Variants in YAF2 observed in about 807,000 individuals in gnomAD.
YAF2 encodes the protein YY1 associated factor 2.
In YAF2, 7 loss-of-function variants were observed where a neutral mutation model predicts 20.1. The observed-to-expected ratio is 0.35, with a 90% CI of 0.20 to 0.65. The LOEUF is 0.65. Among genes scored for constraint, YAF2 ranks in the 30% least tolerant of loss-of-function variants. The probability of loss-of-function intolerance (pLI) is 0.69; values close to 1 mark genes in which losing one functional copy is unlikely to be tolerated. For missense variants in YAF2, 151 were observed against 219.2 expected, an observed-to-expected ratio of 0.69 and a Z score of 1.96; for synonymous variants, 74 against 76.0, an observed-to-expected ratio of 0.97 and a Z score of 0.14.
chr12:42,160,024 C>T lies in YAF2; in HGVS notation c.*565G>A, dbSNP rs2065767982. 6.6e-6 allele frequency: 1 copy of T among 152,416 alleles called. No homozygotes were observed. Among genetic ancestry groups the T allele is most frequent in the African/African-American group, 2.4e-5 (1 of 41,400 alleles). 9.4% of individuals were successfully genotyped at this position (152,416 alleles called of 1,614,324 possible). A position where few individuals can be genotyped will look rare whatever the true frequency, so the allele number is the denominator to read the frequency against. ...AATTCAGGAACAATAATTAGTAAAA[C>T]GTGTCAAAAACATTGGCAAAGGTTC... On this transcript the variant is annotated 3_prime_UTR_variant, in exon 4 of 4. Transcript: ENST00000534854.
At chr12:42,161,475 G>A in intron 3 of YAF2, 138 bp downstream of exon 3, 4 of 972,230 alleles carry the variant, frequency 4.1e-6, no homozygotes, top group Non-Finnish European at 5.6e-6. Context: ...TTCAAACTCA[G>A]TAAAACCTTT....
intron 2 of YAF2, among the ~76,000 whole-genome samples, chr12:42,186,437 G>A (rs897148961): frequency 1.3e-5 from 2 of 151,874 alleles, no homozygotes; most frequent in Non-Finnish European, 2.9e-5. Context: ...CTTTCCTGAG[G>A]GGGGCAGAGG....
Position 42,160,251 on chromosome 12 carries a change from A to G in YAF2, c.*338T>C, listed in dbSNP as rs1408748039. On this transcript the variant is annotated 3_prime_UTR_variant, in exon 4 of 4. Transcript: ENST00000534854. ...CTTGCACTATGTTATAAAAAATTTA[A>G]ATTCGTTACATGCCAATAGTAGAGA... 9.2e-6 allele frequency: 2 copies of G among 216,610 alleles called. No homozygotes were observed. The highest frequency in any genetic ancestry group is 1.9e-5 in the Non-Finnish European group (2 of 108,102). 13.4% of individuals were successfully genotyped at this position (216,610 alleles called of 1,614,324 possible). A position where few individuals can be genotyped will look rare whatever the true frequency, so the allele number is the denominator to read the frequency against.
intron 1 of YAF2, 110 bp from the exon 2 acceptor site, chr12:42,237,834 C>G: frequency 2.1e-6 from 2 of 941,120 alleles, no homozygotes; most frequent in Non-Finnish European, 2.5e-6. Flanking sequence ...ATTCTGCGAC[C>G]CCCGCCCCGC....
In YAF2 at chr12:42,206,952, TACA is replaced by T. The variant is rs550662604; in HGVS notation, c.152+30644_152+30646del. ...ACCCAGATTCAAAATTGTTAACATTTACAACGTTTGCTTTACCTTTTTTCTCTC... is the reference window on the plus strand; with the variant it reads ...ACCCAGATTCAAAATTGTTAACATTTACGTTTGCTTTACCTTTTTTCTCTC... On this transcript the variant is annotated intron_variant, in intron 2 of 3. Coordinates refer to ENST00000534854, the MANE Select transcript of YAF2 (RefSeq NM_005748.6). Among the ~76,000 whole-genome samples the T allele has an allele frequency of 4.1e-3, 620 of 152,300 alleles. 8 individuals are homozygous for T. The highest frequency in any genetic ancestry group is 0.014 in the African/African-American group (583 of 41,572).
chr12:42,211,773 G>C (rs2067218755), intron 2 of YAF2, among the ~76,000 whole-genome samples: 1 of 150,932 alleles, frequency 6.6e-6, no homozygotes, highest in Non-Finnish European at 1.5e-5. Flanking sequence ...AGTCAGCCAG[G>C]CACGGTGGCT....
At chr12:42,237,018 A>C (rs1044236873) in intron 2 of YAF2, among the ~76,000 whole-genome samples, 1 of 152,250 alleles carries the variant, frequency 6.6e-6, no homozygotes, top group African/African-American at 2.4e-5. Context: ...ATATAAAGGT[A>C]CTTTCAGTAA....
At chr12:42,169,027 C>T (rs11181358) in intron 2 of YAF2, among the ~76,000 whole-genome samples, 2,286 of 152,176 alleles carry the variant, frequency 0.015, 54 homozygotes, top group African/African-American at 0.052. Flanking sequence ...TCCCTTAATC[C>T]CTTGTTTACT....
At chr12:42,179,040 G>A (rs774640036) in intron 2 of YAF2, among the ~76,000 whole-genome samples, 141 of 152,238 alleles carry the variant, frequency 9.3e-4, no homozygotes, top group Non-Finnish European at 1.6e-3. Flanking sequence ...GAAACAAAGC[G>A]AGACCCTCTC....
At chr12:42,175,352 A>C (rs1248731602) in intron 2 of YAF2, among the ~76,000 whole-genome samples, 1 of 152,168 alleles carries the variant, frequency 6.6e-6, no homozygotes, top group African/African-American at 2.4e-5. Context: ...CCTAGCAACC[A>C]GAGATGGGAT....
At chr12:42,163,905 C>T (rs933279948) in intron 2 of YAF2, among the ~76,000 whole-genome samples, 5 of 152,034 alleles carry the variant, frequency 3.3e-5, no homozygotes, top group Admixed American at 6.5e-5. Flanking sequence ...GGTTTGTGAT[C>T]CCTTTTCTAT....
Position 42,184,413 on chromosome 12 carries a change from G to A in YAF2, c.153-22648C>T, listed in dbSNP as rs189934621. On this transcript the variant is annotated intron_variant, in intron 2 of 3. Coordinates refer to ENST00000534854, the MANE Select transcript of YAF2 (RefSeq NM_005748.6). ...CAACCTCCATCTCCCAGGTTCAAGCGATTCTCCTGCCTCAGTCTCCTGAGT... is the reference window on the plus strand; with the variant it reads ...CAACCTCCATCTCCCAGGTTCAAGCAATTCTCCTGCCTCAGTCTCCTGAGT... Among the ~76,000 whole-genome samples, 508 of 152,212 alleles carry A rather than the reference G, an allele frequency of 3.3e-3. 4 individuals are homozygous for A. Among genetic ancestry groups the A allele is most frequent in the African/African-American group, 0.012 (493 of 41,518 alleles).
At chr12:42,211,165 G>A (rs1382479943) in intron 2 of YAF2, among the ~76,000 whole-genome samples, 2 of 151,998 alleles carry the variant, frequency 1.3e-5, no homozygotes, top group African/African-American at 4.8e-5. Context: ...GGTGGCTCAC[G>A]CCTGTAATCC....
intron 2 of YAF2, among the ~76,000 whole-genome samples, chr12:42,201,948 T>C (rs1028195355): frequency 1.1e-4 from 17 of 152,250 alleles, no homozygotes; most frequent in Non-Finnish European, 2.1e-4. Context: ...TTAACCTTGA[T>C]GGTTCATTCT....
intron 2 of YAF2, chr12:42,172,296 G>A (rs1290331707): frequency 1.3e-5 from 2 of 152,164 alleles, no homozygotes; most frequent in Non-Finnish European, 2.9e-5. Flanking sequence ...CATAATAAAG[G>A]ACAGAAGTCG....
chr12:42,199,028 T>C (rs1037154240), intron 2 of YAF2: 30 of 533,804 alleles, frequency 5.6e-5, no homozygotes, highest in East Asian at 8.1e-5. Context: ...CATGTGACTA[T>C]TTTAACATTT....
intron 2 of YAF2, among the ~76,000 whole-genome samples, chr12:42,200,456 CTT>C (rs2066870284): frequency 1.3e-5 from 2 of 152,304 alleles, no homozygotes; most frequent in Admixed American, 1.3e-4. Flanking sequence ...AAGCCAATCT[CTT>C]TTTCTACTAT....
chr12:42,215,953 A>C, intron 2 of YAF2, among the ~76,000 whole-genome samples: 2 of 150,982 alleles, frequency 1.3e-5, no homozygotes, highest in Non-Finnish European at 3.0e-5. Context: ...TAAATAAATA[A>C]ATAAATAAAT....
At chr12:42,211,479 G>A (rs915550658) in intron 2 of YAF2, among the ~76,000 whole-genome samples, 5 of 148,216 alleles carry the variant, frequency 3.4e-5, no homozygotes, top group African/African-American at 1.2e-4. Context: ...GCTCACGCCT[G>A]TAATCCCAAC....
Sources: allele counts gnomAD v4.1 joint callset (sites outside exome capture counted in the v4.1 genomes callset), GRCh38; gene constraint gnomAD v4.1.1; transcripts MANE v1.5; gene names NCBI Gene and HGNC (gene_info 2026-07-23, HGNC 2026-07-21).